VPS51: variants seen among roughly 807,000 people sequenced by gnomAD.
VPS51 encodes the protein vacuolar protein sorting-associated protein 51 homolog.
A neutral mutation model predicts 65.1 loss-of-function variants in VPS51; 55 were observed. The ratio of observed to expected loss-of-function variants is 0.84; its 90% CI spans 0.68 to 1.06. The LOEUF (loss-of-function observed/expected upper bound fraction) is 1.06. Among genes scored for constraint, VPS51 ranks in the 50% least tolerant of loss-of-function variants. The pLI, the probability that VPS51 is intolerant of heterozygous loss-of-function variation, is 0.00. For missense variants in VPS51, 943 were observed against 1,101.6 expected (o/e 0.86, Z 2.04); for synonymous variants, 473 against 489.5 (o/e 0.97, Z 0.44).
rs771363616 is a variant in VPS51 at position 65,107,743 on chromosome 11, C to T, written c.505+16C>T. ...AAGCTGGCAGGTGGGCGCTGCCGGG[C>T]AGGGCCTGCAGTGGGCCTTTCCTGG... is the stretch of plus-strand genomic sequence containing the variant. On this transcript the variant is annotated intron_variant, in intron 3 of 9. Coordinates refer to ENST00000279281, the MANE Select transcript of VPS51 (RefSeq NM_013265.4). The surrounding 1 kb of genome is among the most constrained non-coding windows in gnomAD (Gnocchi z 4.0). 1.4e-5 allele frequency: 22 copies of T among 1,604,602 alleles called. No homozygotes were observed. The South Asian group carries it at 2.1e-4, about 15-fold the overall frequency.
intron 2 of VPS51, among the ~76,000 whole-genome samples, chr11:65,104,840 G>A (rs972923442): frequency 2.0e-5 from 3 of 152,298 alleles, no homozygotes; most frequent in South Asian, 2.1e-4. Context: ...TCAAGCCGCC[G>A]CAACACCCCT....
intron 2 of VPS51, among the ~76,000 whole-genome samples, chr11:65,106,026 TTCTCA>T (rs1947839504): frequency 6.6e-6 from 1 of 151,986 alleles, no homozygotes; most frequent in African/African-American, 2.4e-5. Flanking sequence ...GTGAGACTCT[TTCTCA>T]AACAAAACAA....
chr11:65,110,587 C>T lies in VPS51; in HGVS notation c.1984C>T (p.Pro662Ser), dbSNP rs1390231762. 2 of 1,613,938 alleles carry T rather than the reference C, an allele frequency of 1.2e-6. No homozygotes were observed. The highest frequency in any genetic ancestry group is 1.1e-5 in the South Asian group (1 of 91,092). The change falls in exon 8 of 10, where the codon CCC (proline) becomes TCC (serine). Residue 662 changes from proline to serine, a missense_variant. This residue lies in a region of VPS51 where 855 missense variants were observed against 953.7 expected (regional missense o/e 0.90). Transcript: ENST00000279281. ...CTCTCGGCAGCAGGGCCGCTACGCC[C>T]CCAGCTATACCCCCAGGTCTGGCTG... is the stretch of plus-strand genomic sequence containing the variant. ...SSSRQQGRYA[P>S]SYTPSAPMDT... is the part of the protein sequence containing the mutation.
At position 65,105,170 on chromosome 11, in the gene VPS51, C is replaced by T. The variant is rs150074291; in HGVS notation, c.359-2411C>T. Among the ~76,000 whole-genome samples, 33 of 152,098 alleles carry T rather than the reference C, an allele frequency of 2.2e-4. 2 individuals are homozygous for T. The East Asian group carries it at 5.0e-3, about 23-fold the overall frequency. On this transcript the variant is annotated intron_variant, in intron 2 of 9. Transcript: ENST00000279281. ...ATCCCAGCACTTTGGGAGGCCGAGG[C>T]GGGTGGATCACTTGAGGTCAGAGAC...
At position 65,111,402 on chromosome 11, in the gene VPS51, C is replaced by T. The variant is rs755603803; in HGVS notation, c.2164C>T (p.Arg722Cys). The change falls in exon 10 of 10, where the codon CGC (arginine) becomes TGC (cysteine). Residue 722 changes from arginine (R) to cysteine (C), a missense_variant. Arg to Cys is a radical substitution (Grantham distance 180, BLOSUM62 -3). Coordinates refer to ENST00000279281, the MANE Select transcript of VPS51 (RefSeq NM_013265.4). ...GTGTGTGCGGCTGCGCACCTTTGGGCGCTTCGGGCTGCAGCAGGTGCAAGT... is the reference window on the plus strand; with the variant it reads ...GTGTGTGCGGCTGCGCACCTTTGGGTGCTTCGGGCTGCAGCAGGTGCAAGT... Reference protein sequence around the residue: ...LECVRLRTFGRFGLQQVQVDC... With the variant: ...LECVRLRTFGCFGLQQVQVDC... 2.5e-6 allele frequency: 4 copies of T among 1,613,136 alleles called. No homozygotes were observed. Among genetic ancestry groups the T allele is most frequent in the South Asian group, 1.1e-5 (1 of 91,092 alleles).
intron 2 of VPS51, among the ~76,000 whole-genome samples, chr11:65,102,955 A>C (rs1947818645): frequency 6.6e-6 from 1 of 152,166 alleles, no homozygotes; most frequent in South Asian, 2.1e-4. Flanking sequence ...CAGCCTGGGC[A>C]ACATAGAGAG....
chr11:65,104,244 A>G (rs955772539), intron 2 of VPS51, among the ~76,000 whole-genome samples: 1 of 152,166 alleles, frequency 6.6e-6, no homozygotes, highest in Non-Finnish European at 1.5e-5. Flanking sequence ...ATTTGATTAT[A>G]TCATCTGCAA....
At chr11:65,109,228 G>A in intron 5 of VPS51, 52 bp from the exon 6 acceptor site, 1 of 1,576,760 alleles carries the variant, frequency 6.3e-7, no homozygotes, top group Non-Finnish European at 8.6e-7. Flanking sequence ...GTCATTAACA[G>A]CCTTACCTGG....
intron 7 of VPS51, chr11:65,110,129 G>A: frequency 3.1e-6 from 2 of 645,658 alleles, no homozygotes; most frequent in Non-Finnish European, 5.3e-6. Context: ...AAGACCAAAC[G>A]GGCTGGGGAG....
rs1344948386 is a variant in VPS51 at position 65,110,468 on chromosome 11, C to T, written c.1879-14C>T. On this transcript the variant is annotated splice_polypyrimidine_tract_variant and intron_variant, in intron 7 of 9. Transcript: ENST00000279281. Reference sequence around the variant, plus strand: ...TGACTCGGGCCTCCTTGCAGTACCTCTTTTTACCACCAGGTGGGGCTCCTG... The same window carrying T: ...TGACTCGGGCCTCCTTGCAGTACCTTTTTTTACCACCAGGTGGGGCTCCTG... The T allele has an allele frequency of 6.2e-7, 1 of 1,613,826 alleles. No homozygotes were observed. Among genetic ancestry groups the T allele is most frequent in the East Asian group, 2.2e-5 (1 of 44,882 alleles).
At position 65,108,292 on chromosome 11, in the gene VPS51, C is replaced by T. The variant is rs752798483; in HGVS notation, c.821C>T (p.Ala274Val). ...GAGGAGCTGTGCGAGGAGTTCCTGG[C>T]GCACGCCCGCGGCCGGCTGGAGAAG... Reference protein sequence around the residue: ...PAEELCEEFLAHARGRLEKEL... With the variant: ...PAEELCEEFLVHARGRLEKEL... The change falls in exon 5 of 10, where the codon GCG becomes GTG. Residue 274 changes from alanine to valine, a missense_variant. Around this residue, in one of 2 missense-constraint regions of VPS51, gnomAD observed 855 missense variants for 953.7 expected, o/e 0.90. Coordinates refer to ENST00000279281, the MANE Select transcript of VPS51 (RefSeq NM_013265.4). 3.7e-6 allele frequency: 6 copies of T among 1,602,226 alleles called. No homozygotes were observed. The highest frequency in any genetic ancestry group is 2.7e-5 in the African/African-American group (2 of 74,908).
At chr11:65,111,153 C>A in intron 9 of VPS51, 174 bp from the exon 10 acceptor site, 2 of 993,872 alleles carry the variant, frequency 2.0e-6, no homozygotes, top group Non-Finnish European at 3.1e-6. Context: ...CTGTCCCCTG[C>A]CCTCCAGATG....
Position 65,110,622 on chromosome 11 carries a change from GC to G in VPS51, c.2000+23del. On this transcript the variant is annotated intron_variant, in intron 8 of 9. Coordinates refer to ENST00000279281, the MANE Select transcript of VPS51 (RefSeq NM_013265.4). ...CCCCCAGGTCTGGCTGGTCAGGGGAGCCCCAGGGGGAAGGGACAAAAGAGGG... is the reference window on the plus strand; with the variant it reads ...CCCCCAGGTCTGGCTGGTCAGGGGAGCCCAGGGGGAAGGGACAAAAGAGGG... 1 of 1,614,124 alleles carries G rather than the reference GC, an allele frequency of 6.2e-7. No individual in the cohort carries two copies. The highest frequency in any genetic ancestry group is 8.5e-7 in the Non-Finnish European group (1 of 1,180,028).
In VPS51 at chr11:65,108,651, G is replaced by A. The variant is rs756761339; in HGVS notation, c.1180G>A (p.Ala394Thr). Reference sequence around the variant, plus strand: ...GCTGGCCGCTGCCGGGCTCGCAGACGCTGCCACGGAGATCGTGGAACGAGT... The same window carrying A: ...GCTGGCCGCTGCCGGGCTCGCAGACACTGCCACGGAGATCGTGGAACGAGT... ...ALLAAAGLADAATEIVERVAR... is the reference protein window; with the variant it reads ...ALLAAAGLADTATEIVERVAR... Residue 394 changes from alanine to threonine, a missense_variant, in exon 5 of 10, where the codon GCT becomes ACT. Coordinates refer to ENST00000279281, the MANE Select transcript of VPS51 (RefSeq NM_013265.4). 10 of 1,548,004 alleles carry A rather than the reference G, an allele frequency of 6.5e-6. No homozygotes were observed. Among genetic ancestry groups the A allele is most frequent in the Admixed American group, 2.1e-5 (1 of 48,624 alleles).
At position 65,107,706 on chromosome 11, in the gene VPS51, G is replaced by A. The variant is rs765877173; in HGVS notation, c.484G>A (p.Glu162Lys). ...CAGCGCCACGCTGCAGGACCGCCAC[G>A]AGCGCATCACCAAGCTGGCAGGTGG... ...RISATLQDRH[E>K]RITKLAGVHA... Residue 162 changes from glutamate to lysine, a missense_variant, in exon 3 of 10, where the codon GAG becomes AAG. Glu to Lys is a moderately conservative substitution (Grantham distance 56). Around this residue, in one of 2 missense-constraint regions of VPS51, gnomAD observed 855 missense variants for 953.7 expected, o/e 0.90. Transcript: ENST00000279281. The surrounding 1 kb of genome is among the most constrained non-coding windows in gnomAD (Gnocchi z 4.0). 3.0e-5 allele frequency: 49 copies of A among 1,609,200 alleles called. No homozygotes were observed. In the South Asian group the frequency reaches 3.6e-4, roughly 12 times the overall value.
intron 2 of VPS51, among the ~76,000 whole-genome samples, chr11:65,103,767 C>A (rs1816840435): frequency 6.6e-6 from 1 of 152,104 alleles, no homozygotes; most frequent in South Asian, 2.1e-4. Context: ...TTTCCAGATT[C>A]TTCTTTGTAA....
chr11:65,108,234 G>C lies in VPS51; in HGVS notation c.763G>C (p.Val255Leu). 6.2e-7 allele frequency: 1 copy of C among 1,600,212 alleles called. No individual in the cohort carries two copies. The highest frequency in any genetic ancestry group is 8.5e-7 in the Non-Finnish European group (1 of 1,175,306). Reference sequence around the variant, plus strand: ...AGGCGCCCCGGAGCAGGCAGAGTGCGTGGAGCTGCTGCTGGCCCTGGGCGA... The same window carrying C: ...AGGCGCCCCGGAGCAGGCAGAGTGCCTGGAGCTGCTGCTGGCCCTGGGCGA... Reference protein sequence around the residue: ...GSGAPEQAECVELLLALGEPA... With the variant: ...GSGAPEQAECLELLLALGEPA... The change falls in exon 5 of 10, where the codon GTG (valine) becomes CTG (leucine). Residue 255 changes from valine to leucine, a missense_variant. Coordinates refer to ENST00000279281, the MANE Select transcript of VPS51 (RefSeq NM_013265.4).
rs1391927769 is a variant in VPS51 at position 65,106,751 on chromosome 11, A to AG, written c.359-830_359-829insG. 6.3e-4 allele frequency among the ~76,000 whole-genome samples: 5 copies of AG among 7,992 alleles called. No homozygotes were observed. The Non-Finnish European group carries it at 0.018, about 28-fold the overall frequency. 5.2% of individuals were successfully genotyped at this position (7,992 alleles called of 152,430 possible). ...GGGCGACAGAGCGAGACTCAGTCTC[A>AG]AAAAAAAAAAAAAAGAATAGGTGGA... On this transcript the variant is annotated intron_variant, in intron 2 of 9. Transcript: ENST00000279281.
At chr11:65,105,899 C>T (rs1336728707) in intron 2 of VPS51, among the ~76,000 whole-genome samples, 2 of 152,222 alleles carry the variant, frequency 1.3e-5, no homozygotes, top group Non-Finnish European at 2.9e-5. Flanking sequence ...TGAGCAGGTG[C>T]ATAGGGCGAG....
Sources: allele counts gnomAD v4.1 joint callset (sites outside exome capture counted in the v4.1 genomes callset), GRCh38; gene constraint gnomAD v4.1.1; regional missense constraint gnomAD v4.1.1; non-coding constraint Gnocchi (gnomAD v3.1); transcripts MANE v1.5; gene names NCBI Gene and HGNC (gene_info 2026-07-23, HGNC 2026-07-21).